The following ALMS1 variants were observed in gnomAD, a reference collection of about 807,000 sequenced individuals.
ALMS1 encodes the protein centrosome-associated protein ALMS1.
A neutral mutation model predicts 352.2 loss-of-function variants in ALMS1; 271 were observed. That is an observed-to-expected ratio of 0.77 (90% confidence interval 0.70 to 0.85). ALMS1 has a LOEUF of 0.85. Among genes scored for constraint, ALMS1 ranks in the 40% least tolerant of loss-of-function variants. The pLI is 0.00. For synonymous variants in ALMS1, 1,865 were observed against 1,761.2 expected, an observed-to-expected ratio of 1.06 and a Z score of -1.48; for missense variants, 5,445 against 4,870.7, an observed-to-expected ratio of 1.12 and a Z score of -3.51.
chr2:73,447,630 A>G (rs889105612), intron 7 of ALMS1, among the ~76,000 whole-genome samples: 6 of 152,166 alleles, frequency 3.9e-5, no homozygotes, highest in Admixed American at 3.3e-4. Flanking sequence ...ACAGATTGTA[A>G]GTAGGGTGAA....
At position 73,451,076 on chromosome 2, in the gene ALMS1, A is replaced by G. The variant is rs1572935497; in HGVS notation, c.4549A>G (p.Thr1517Ala). The part of the protein sequence containing the change: ...GPVGQTTGAP[T>A]ITSPSYSQHR... Reference sequence around the variant, plus strand: ...AGTTGGCCAGACAACTGGCGCACCAACTATAACCTCTCCTTCCTACTCACA... The same window carrying G: ...AGTTGGCCAGACAACTGGCGCACCAGCTATAACCTCTCCTTCCTACTCACA... Residue 1517 changes from threonine (T) to alanine (A), a missense_variant, in exon 8 of 23, where the codon ACT becomes GCT. By Grantham distance (58) the Thr-to-Ala change is moderately conservative (BLOSUM62 0). Coordinates refer to ENST00000613296, the MANE Select transcript of ALMS1 (RefSeq NM_001378454.1). 8 of 1,612,838 alleles carry G rather than the reference A, an allele frequency of 5.0e-6. No homozygotes were observed. In the East Asian group the frequency reaches 1.8e-4, roughly 36 times the overall value.
At chr2:73,462,150 A>T (rs904647164) in intron 9 of ALMS1, among the ~76,000 whole-genome samples, 1 of 152,118 alleles carries the variant, frequency 6.6e-6, no homozygotes, top group African/African-American at 2.4e-5. Flanking sequence ...AGACACATTA[A>T]TTGTCAGATT....
chr2:73,484,089 G>T (rs1672771776), intron 9 of ALMS1, among the ~76,000 whole-genome samples: 1 of 151,698 alleles, frequency 6.6e-6, no homozygotes, highest in East Asian at 1.9e-4. Context: ...AGTTAATATT[G>T]TTATGTGTGA....
chr2:73,572,079 G>A (rs902507509), intron 15 of ALMS1, among the ~76,000 whole-genome samples, 183 bp from the exon 16 acceptor site: 1 of 152,150 alleles, frequency 6.6e-6, no homozygotes, highest in East Asian at 1.9e-4. Context: ...AACTTTTACT[G>A]TACCAGCGAG....
intron 8 of ALMS1, among the ~76,000 whole-genome samples, chr2:73,454,724 C>T (rs1325255518): frequency 6.6e-6 from 1 of 152,086 alleles, no homozygotes; most frequent in Non-Finnish European, 1.5e-5. Context: ...GCAATTTAGG[C>T]CTACCTAGAA....
At chr2:73,502,119 T>G (rs1673231637) in intron 10 of ALMS1, among the ~76,000 whole-genome samples, 1 of 152,150 alleles carries the variant, frequency 6.6e-6, no homozygotes, top group Non-Finnish European at 1.5e-5. Flanking sequence ...AAGTTAATTT[T>G]AATTTTAATT....
intron 16 of ALMS1, among the ~76,000 whole-genome samples, chr2:73,594,692 C>T (rs1181772939): frequency 6.6e-6 from 1 of 152,200 alleles, no homozygotes; most frequent in South Asian, 2.1e-4. Flanking sequence ...TATCTCCTTG[C>T]ATTGGAATAC....
intron 10 of ALMS1, among the ~76,000 whole-genome samples, chr2:73,500,771 C>T (rs1673202387): frequency 6.6e-6 from 1 of 152,126 alleles, no homozygotes; most frequent in East Asian, 1.9e-4. Flanking sequence ...TGATGGCAAA[C>T]TCATTACCAT....
intron 1 of ALMS1, among the ~76,000 whole-genome samples, chr2:73,390,618 G>T (rs142567769): frequency 1.0e-3 from 153 of 152,218 alleles, no homozygotes; most frequent in African/African-American, 3.5e-3. Context: ...TTTTTATGCT[G>T]GTCCTACAGA....
chr2:73,534,869 T>G lies in ALMS1; in HGVS notation c.9827T>G (p.Met3276Arg). The G allele has an allele frequency of 6.2e-7, 1 of 1,613,678 alleles. No homozygotes were observed. Among genetic ancestry groups the G allele is most frequent in the Non-Finnish European group, 8.5e-7 (1 of 1,179,636 alleles). Residue 3276 changes from methionine to arginine, a missense_variant, in exon 12 of 23, where the codon ATG (methionine) becomes AGG (arginine). Transcript: ENST00000613296. ...LPYKPSGSTK[M>R]YYVPQLRQIP... ...TATAAGCCTTCTGGTAGTACCAAGA[T>G]GTATTATGTTCCACAATTAAGACAA...
intron 16 of ALMS1, among the ~76,000 whole-genome samples, chr2:73,590,800 T>C (rs923148728): frequency 6.7e-6 from 1 of 149,350 alleles, no homozygotes; most frequent in Non-Finnish European, 1.5e-5. Flanking sequence ...TGCCTCAGCC[T>C]CCTGAGTAGT....
intron 11 of ALMS1, among the ~76,000 whole-genome samples, chr2:73,532,060 G>T (rs1673927026): frequency 6.6e-6 from 1 of 152,208 alleles, no homozygotes; most frequent in Non-Finnish European, 1.5e-5. Flanking sequence ...GGATTACCAG[G>T]TAGAGACTCT....
At position 73,602,362 on chromosome 2, in the gene ALMS1, A is replaced by G; in HGVS notation, c.12292A>G (p.Lys4098Glu). ...GHQNRMCPLP[K>E]RVFLAIQKNK... Reference sequence around the variant, plus strand: ...CCAGAATCGCATGTGCCCGCTGCCCAAGAGAGGTACGCCCTGCCCGTTCAC... The same window carrying G: ...CCAGAATCGCATGTGCCCGCTGCCCGAGAGAGGTACGCCCTGCCCGTTCAC... Residue 4098 changes from lysine (K) to glutamate (E), a missense_variant, in exon 20 of 23, where the codon AAG becomes GAG. Coordinates refer to ENST00000613296, the MANE Select transcript of ALMS1 (RefSeq NM_001378454.1). 6.2e-7 allele frequency: 1 copy of G among 1,614,166 alleles called. No homozygotes were observed. The highest frequency in any genetic ancestry group is 8.5e-7 in the Non-Finnish European group (1 of 1,180,000).
Position 73,602,167 on chromosome 2 carries a change from C to T in ALMS1, c.12115-18C>T. 1 of 1,462,164 alleles carries T rather than the reference C, an allele frequency of 6.8e-7. No homozygotes were observed. The highest frequency in any genetic ancestry group is 9.4e-7 in the Non-Finnish European group (1 of 1,062,244). The allele number at this position is 1,462,164 out of a possible 1,614,324, so 90.6% of individuals were successfully genotyped here. A position where few individuals can be genotyped will look rare whatever the true frequency, so the allele number is the denominator to read the frequency against. ...ATTAATCTGAGGCTGGGCATTTTCT[C>T]TTTTTTTTTTCTTTTAGGAATCGCT... On this transcript the variant is annotated intron_variant, in intron 19 of 22. Coordinates refer to ENST00000613296, the MANE Select transcript of ALMS1 (RefSeq NM_001378454.1).
intron 7 of ALMS1, among the ~76,000 whole-genome samples, chr2:73,437,622 T>C (rs373412282): frequency 6.6e-6 from 1 of 152,204 alleles, no homozygotes; most frequent in African/African-American, 2.4e-5. Flanking sequence ...CCATTTTAAT[T>C]ATTTGGTTAA....
chr2:73,419,328 G>T lies in ALMS1; in HGVS notation c.646+10G>T. On this transcript the variant is annotated intron_variant, in intron 3 of 22. Transcript: ENST00000613296. ...TGTTCTCCACTGCTAGGTAATGCCT[G>T]TTTATTTTAACTAGTAGTAATACCT... 6.2e-7 allele frequency: 1 copy of T among 1,611,586 alleles called. No individual in the cohort carries two copies. Among genetic ancestry groups the T allele is most frequent in the Non-Finnish European group, 8.5e-7 (1 of 1,177,728 alleles).
chr2:73,530,211 C>G (rs1324651781), intron 11 of ALMS1, among the ~76,000 whole-genome samples: 1 of 152,196 alleles, frequency 6.6e-6, no homozygotes, highest in Non-Finnish European at 1.5e-5. Flanking sequence ...AGGTAGGTCC[C>G]TTCTGCCTGT....
rs28730858 is a variant in ALMS1 at position 73,572,341 on chromosome 2, A to C, written c.10464A>C (p.Val3488=). ...CAAAGTTTTACATTCATCATCCCGT[A>C]CACCTACCAAGTGATCAAGATATTT... ...RSAKFYIHHP[V]HLPSDQDICH... is the part of the protein sequence containing the mutation. The change falls in exon 16 of 23, where the codon GTA becomes GTC. Residue 3488 remains valine, a synonymous_variant. Transcript: ENST00000613296. 1.2e-6 allele frequency: 2 copies of C among 1,608,156 alleles called. No homozygotes were observed. The highest frequency in any genetic ancestry group is 2.7e-5 in the African/African-American group (2 of 74,696).
intron 1 of ALMS1, among the ~76,000 whole-genome samples, chr2:73,406,925 A>G (rs1670984403): frequency 6.6e-6 from 1 of 152,230 alleles, no homozygotes; most frequent in Non-Finnish European, 1.5e-5. Context: ...GCACCTGGCC[A>G]AAGTTATTAG....
Sources: allele counts gnomAD v4.1 joint callset (sites outside exome capture counted in the v4.1 genomes callset), GRCh38; gene constraint gnomAD v4.1.1; transcripts MANE v1.5; gene names NCBI Gene and HGNC (gene_info 2026-07-23, HGNC 2026-07-21).